GATA4: variants seen among roughly 807,000 people sequenced by gnomAD.
GATA4 encodes transcription factor GATA-4.
GATA4 carries 7 observed loss-of-function variants against 37.9 expected under a neutral mutation model. The observed-to-expected ratio is 0.18, with a 90% confidence interval of 0.11 to 0.35. GATA4 has a LOEUF of 0.35. Ranked by LOEUF, GATA4 falls within the 10% of genes least tolerant of loss-of-function variation. The pLI, the probability that GATA4 is intolerant of heterozygous loss-of-function variation, is 1.00. For synonymous variants in GATA4, 372 were observed against 292.6 expected, an observed-to-expected ratio of 1.27 and a Z score of -2.77; for missense variants, 647 against 653.0, an observed-to-expected ratio of 0.99 and a Z score of 0.10.
At chr8:11,680,857 CT>C in intron 1 of GATA4, 1 of 985,434 alleles carries the variant, frequency 1.0e-6, no homozygotes, top group Non-Finnish European at 1.2e-6. Context: ...AGCGAAGCCC[CT>C]GACCCATTTC....
chr8:11,723,930 A>G (rs1293998917), intron 2 of GATA4, among the ~76,000 whole-genome samples: 2 of 152,214 alleles, frequency 1.3e-5, no homozygotes, highest in South Asian at 2.1e-4. Flanking sequence ...GAACTCTTGC[A>G]TCTTCCCAAG....
intron 1 of GATA4, among the ~76,000 whole-genome samples, chr8:11,695,857 C>T (rs931339526): frequency 1.3e-5 from 2 of 152,170 alleles, no homozygotes; most frequent in Admixed American, 6.5e-5. Context: ...TGGAGCTGTA[C>T]CCAGGATGGA....
intron 2 of GATA4, among the ~76,000 whole-genome samples, chr8:11,735,203 T>C (rs1408044329): frequency 6.6e-6 from 1 of 152,248 alleles, no homozygotes; most frequent in African/African-American, 2.4e-5. Context: ...TATATTTTTT[T>C]CTCAGTGACT....
At chr8:11,718,791 C>T (rs181877451) in intron 2 of GATA4, among the ~76,000 whole-genome samples, 112 of 152,350 alleles carry the variant, frequency 7.4e-4, no homozygotes, top group Non-Finnish European at 6.6e-4. Context: ...TTATCGCCTC[C>T]ATTTAGAACT....
At chr8:11,722,661 C>G (rs536667775) in intron 2 of GATA4, among the ~76,000 whole-genome samples, 5 of 152,296 alleles carry the variant, frequency 3.3e-5, no homozygotes, top group Non-Finnish European at 7.4e-5. Context: ...TGTTGACTGC[C>G]TTCTCTTCAT....
chr8:11,686,582 A>G (rs1158685446), intron 1 of GATA4, among the ~76,000 whole-genome samples: 1 of 152,214 alleles, frequency 6.6e-6, no homozygotes, highest in Non-Finnish European at 1.5e-5. Context: ...GACAGGCACC[A>G]TAGCCATCTT....
At chr8:11,755,823 A>G (rs532808420) in intron 5 of GATA4, among the ~76,000 whole-genome samples, 1 of 152,142 alleles carries the variant, frequency 6.6e-6, no homozygotes, top group Non-Finnish European at 1.5e-5. Flanking sequence ...GATTAAGAAT[A>G]AGGGCTGCTC....
rs1376809839 is a variant in GATA4 at position 11,680,067 on chromosome 8, A to G, written c.-274+3004A>G. The stretch of plus-strand genomic sequence containing the variant: ...TGCCAGGGGGCTTGGACCAGTTGCT[A>G]AAGGACTTCCCGCCGGAGAAGGTCT... On this transcript the variant is annotated intron_variant, in intron 1 of 6. Coordinates refer to the GATA4 transcript ENST00000528712. Among the ~76,000 whole-genome samples, 3 of 152,200 alleles carry G rather than the reference A, an allele frequency of 2.0e-5. No homozygotes were observed. In the East Asian group the frequency reaches 5.8e-4, roughly 29 times the overall value.
chr8:11,683,846 A>G (rs981166736), intron 1 of GATA4, among the ~76,000 whole-genome samples: 1 of 151,940 alleles, frequency 6.6e-6, no homozygotes, highest in Non-Finnish European at 1.5e-5. Flanking sequence ...CCCTACCTGT[A>G]CTCTCTGCCA....
Position 11,749,923 on chromosome 8 carries a change from T to A in GATA4, c.787-188T>A, listed in dbSNP as rs1165737060. 6.6e-6 allele frequency among the ~76,000 whole-genome samples: 1 copy of A among 152,226 alleles called. No individual in the cohort carries two copies. Among genetic ancestry groups the A allele is most frequent in the African/African-American group, 2.4e-5 (1 of 41,458 alleles). ...TCGGGCAGCAGAAACCTTGTTCTGATTTATTCCTCGCAGTGGCGCAGGTGA... is the reference window on the plus strand; with the variant it reads ...TCGGGCAGCAGAAACCTTGTTCTGAATTATTCCTCGCAGTGGCGCAGGTGA... On this transcript the variant is annotated intron_variant, in intron 3 of 6. Transcript: ENST00000532059. This position sits in a 1 kb window ranked among gnomAD's most constrained non-coding sequence, Gnocchi z 4.6.
intron 2 of GATA4, among the ~76,000 whole-genome samples, chr8:11,746,668 C>T (rs1802048896): frequency 6.6e-6 from 1 of 152,236 alleles, no homozygotes; most frequent in Non-Finnish European, 1.5e-5. Context: ...GGGCTGACAG[C>T]CCATAGGCAC....
At position 11,734,647 on chromosome 8, in the gene GATA4, C is replaced by T. The variant is rs564076620; in HGVS notation, c.617-14269C>T. ...GATTACAGGCATGCACCACCATGCT[C>T]GGCTAATTTTTGTATCTTTAGTAGA... On this transcript the variant is annotated intron_variant, in intron 2 of 6. Coordinates refer to ENST00000532059, the MANE Select transcript of GATA4 (RefSeq NM_001308093.3). Among the ~76,000 whole-genome samples, 59 of 152,222 alleles carry T rather than the reference C, an allele frequency of 3.9e-4. 2 individuals are homozygous for T. The highest frequency in any genetic ancestry group is 3.6e-3 in the Admixed American group (55 of 15,290).
chr8:11,751,952 A>T (rs995965465), intron 4 of GATA4, among the ~76,000 whole-genome samples: 1 of 152,240 alleles, frequency 6.6e-6, no homozygotes, highest in African/African-American at 2.4e-5. Flanking sequence ...AAACTAGCCT[A>T]TAAAAAATAA....
intron 2 of GATA4, among the ~76,000 whole-genome samples, chr8:11,719,991 G>C (rs1370827162): frequency 6.6e-6 from 1 of 152,130 alleles, no homozygotes; most frequent in African/African-American, 2.4e-5. Flanking sequence ...ACTGGGGAAT[G>C]GGAGTTGCAG....
upstream of GATA4, among the ~76,000 whole-genome samples, chr8:11,699,833 A>T (rs1220939027): frequency 6.6e-6 from 1 of 152,274 alleles, no homozygotes; most frequent in African/African-American, 2.4e-5. Context: ...ATTATGAGAT[A>T]TAAACTTTTT....
intron 1 of GATA4, among the ~76,000 whole-genome samples, chr8:11,693,562 C>CACAGAGAGAG (rs1405047773): frequency 1.7e-4 from 12 of 72,228 alleles, no homozygotes; most frequent in South Asian, 1.4e-3. Context: ...CACACACACA[C>CACAGAGAGAG]AGAGAGAGAG....
At chr8:11,683,614 G>A (rs988321628) in intron 1 of GATA4, among the ~76,000 whole-genome samples, 11 of 152,182 alleles carry the variant, frequency 7.2e-5, no homozygotes, top group South Asian at 4.1e-4. Context: ...TGCGCTGGGC[G>A]TTATGCCTTG....
At chr8:11,744,489 T>C (rs1443553188) in intron 2 of GATA4, among the ~76,000 whole-genome samples, 1 of 152,204 alleles carries the variant, frequency 6.6e-6, no homozygotes, top group East Asian at 1.9e-4. Context: ...GGAATCACTC[T>C]TGCCCCCAGG....
chr8:11,699,914 C>T (rs141178620), upstream of GATA4, among the ~76,000 whole-genome samples: 73 of 151,990 alleles, frequency 4.8e-4, no homozygotes, highest in African/African-American at 1.5e-3. Flanking sequence ...TTTTAAAAGA[C>T]AGTTTTTAAA....
Sources: gnomAD v4.1 joint callset for allele counts (sites outside exome capture counted in the v4.1 genomes callset) on GRCh38, gnomAD v4.1.1 for gene constraint, Gnocchi (gnomAD v3.1) non-coding constraint, MANE v1.5 for transcripts, NCBI Gene and HGNC (gene_info 2026-07-23, HGNC 2026-07-21) for gene names.